CNTROB: variants seen among roughly 807,000 people sequenced by gnomAD.
The protein encoded by CNTROB is centrobin.
A neutral mutation model predicts 115.7 loss-of-function variants in CNTROB; 82 were observed. The observed-to-expected ratio is 0.71, with a 90% confidence interval of 0.59 to 0.85. The LOEUF is 0.85. Among genes scored for constraint, CNTROB ranks in the 40% least tolerant of loss-of-function variants. The pLI is 0.00. For synonymous variants in CNTROB, 439 were observed against 456.4 expected (o/e 0.96, Z 0.49); for missense variants, 1,014 against 1,144.4 (o/e 0.89, Z 1.64).
Position 7,941,453 on chromosome 17 carries a change from A to T in CNTROB, c.1311+1211A>T, listed in dbSNP as rs778536903. On this transcript the variant is annotated intron_variant, in intron 9 of 18. Coordinates refer to ENST00000563694, the MANE Select transcript of CNTROB (RefSeq NM_053051.5). ...TGTCTCTACTAAAAATACAAAAATT[A>T]TCCAGGTGTATGGTGCACACCTGTA... is the stretch of plus-strand genomic sequence containing the variant. Among the ~76,000 whole-genome samples the T allele has an allele frequency of 2.0e-5, 3 of 151,786 alleles. No homozygotes were observed. The East Asian group carries it at 5.8e-4, about 30-fold the overall frequency.
intron 12 of CNTROB, 170 bp from the exon 13 acceptor site, chr17:7,945,558 C>A: frequency 1.5e-6 from 1 of 679,702 alleles, no homozygotes; most frequent in South Asian, 2.0e-5. Flanking sequence ...CTCTATGTTG[C>A]CAAGCCTGGT....
At position 7,936,387 on chromosome 17, in the gene CNTROB, A is replaced by G. The variant is rs577507163; in HGVS notation, c.616A>G (p.Ser206Gly). The G allele has an allele frequency of 1.3e-6, 2 of 1,514,524 alleles. No homozygotes were observed. The highest frequency in any genetic ancestry group is 1.4e-5 in the African/African-American group (1 of 72,904). The allele number at this position is 1,514,524 out of a possible 1,614,324, so 93.8% of individuals were successfully genotyped here. ...CCAGCATTGTGAGCGCCATATTCAG[A>G]GCCTGCAGACCCGAGTGTTAGAGCT... is the stretch of plus-strand genomic sequence containing the variant. ...RRKHCERHIQ[S>G]LQTRVLELQQ... Residue 206 changes from serine to glycine, a missense_variant, in exon 5 of 19, where the codon AGC becomes GGC. Physicochemically the swap from Ser to Gly is moderately conservative, Grantham distance 56. Transcript: ENST00000563694.
upstream of CNTROB, chr17:7,932,166 GGC>G (rs1972587694): frequency 3.1e-6 from 1 of 324,504 alleles, no homozygotes; most frequent in African/African-American, 2.1e-5. Context: ...TGGTCTCGCG[GGC>G]GGGTGACGTC....
rs142749347 is a variant in CNTROB at position 7,944,230 on chromosome 17, C to A, written c.1553C>A (p.Ala518Asp). Residue 518 changes from alanine (A) to aspartate (D), a missense_variant, in exon 11 of 19, where the codon GCT becomes GAT. Transcript: ENST00000563694. The surrounding 1 kb of genome is among the most constrained non-coding windows in gnomAD (Gnocchi z 4.0). Reference sequence around the variant, plus strand: ...CGAGAGGAACGGCAACAGCAGGTGGCTGAGGACTACGAGCTCAGGTCCTGG... The same window carrying A: ...CGAGAGGAACGGCAACAGCAGGTGGATGAGGACTACGAGCTCAGGTCCTGG... Reference protein sequence around the residue: ...AEREERQQQVAEDYELRLARE... With the variant: ...AEREERQQQVDEDYELRLARE... 3 of 1,613,960 alleles carry A rather than the reference C, an allele frequency of 1.9e-6. No homozygotes were observed. The highest frequency in any genetic ancestry group is 2.5e-6 in the Non-Finnish European group (3 of 1,179,804).
intron 9 of CNTROB, among the ~76,000 whole-genome samples, chr17:7,941,331 G>A (rs764065975): frequency 2.6e-5 from 4 of 152,174 alleles, no homozygotes; most frequent in African/African-American, 9.7e-5. Context: ...CCGGTATGGT[G>A]GCTCATGCCT....
chr17:7,936,421 A>G lies in CNTROB; in HGVS notation c.650A>G (p.Gln217Arg). ...LQTRVLELQQQLAVAVAADRK... is the reference protein window; with the variant it reads ...LQTRVLELQQRLAVAVAADRK... ...ACCCGAGTGTTAGAGCTACAGCAAC[A>G]ATTAGCCGTGGCTGTGGCTGCCGAC... Residue 217 changes from glutamine (Q) to arginine (R), a missense_variant, in exon 5 of 19, where the codon CAA becomes CGA. By Grantham distance (43) the Gln-to-Arg change is conservative (BLOSUM62 1). Transcript: ENST00000563694. 1.3e-6 allele frequency: 2 copies of G among 1,576,784 alleles called. No individual in the cohort carries two copies. Among genetic ancestry groups the G allele is most frequent in the Non-Finnish European group, 1.7e-6 (2 of 1,145,984 alleles).
At chr17:7,942,369 G>A (rs532749493) in intron 9 of CNTROB, among the ~76,000 whole-genome samples, 26 of 152,128 alleles carry the variant, frequency 1.7e-4, no homozygotes, top group African/African-American at 2.9e-4. Flanking sequence ...AGACTGAGGC[G>A]GGTGGATCAC....
In CNTROB at chr17:7,944,685, T is replaced by G; in HGVS notation, c.1734+47T>G. On this transcript the variant is annotated intron_variant, in intron 12 of 18. Coordinates refer to ENST00000563694, the MANE Select transcript of CNTROB (RefSeq NM_053051.5). The surrounding 1 kb of genome is among the most constrained non-coding windows in gnomAD (Gnocchi z 4.0). ...AAGCTTCTCCGTTATGTTCTATTTT[T>G]ATTTTTATTTTTGAGACAGGGTCTC... The G allele has an allele frequency of 6.4e-7, 1 of 1,552,390 alleles. No individual in the cohort carries two copies. The highest frequency in any genetic ancestry group is 8.7e-7 in the Non-Finnish European group (1 of 1,147,842).
In CNTROB at chr17:7,933,482, A is replaced by C. The variant is rs1438115507; in HGVS notation, c.270+133A>C. 4 of 948,610 alleles carry C rather than the reference A, an allele frequency of 4.2e-6. No individual in the cohort carries two copies. In the African/African-American group the frequency reaches 5.0e-5, roughly 12 times the overall value. 58.8% of individuals were successfully genotyped at this position (948,610 alleles called of 1,614,324 possible). A position where few individuals can be genotyped will look rare whatever the true frequency, so the allele number is the denominator to read the frequency against. ...TGGATTTCATATTCCTTTTAACTGC[A>C]TAGGCAGCCATGCTTATAAGGGAGG... On this transcript the variant is annotated intron_variant, in intron 1 of 18. Coordinates refer to ENST00000563694, the MANE Select transcript of CNTROB (RefSeq NM_053051.5).
Position 7,944,207 on chromosome 17 carries a change from A to C in CNTROB, c.1530A>C (p.Arg510=). ...AGTTCAAGGTGGAAATGGCAGAACG[A>C]GAGGAACGGCAACAGCAGGTGGCTG... ...LAQFKVEMAE[R]EERQQQVAED... Residue 510 remains arginine (R), a synonymous_variant, in exon 11 of 19, where the codon CGA becomes CGC. Coordinates refer to ENST00000563694, the MANE Select transcript of CNTROB (RefSeq NM_053051.5). This position sits in a 1 kb window ranked among gnomAD's most constrained non-coding sequence, Gnocchi z 4.0. 1 of 1,613,816 alleles carries C rather than the reference A, an allele frequency of 6.2e-7. No homozygotes were observed. The highest frequency in any genetic ancestry group is 1.1e-5 in the South Asian group (1 of 91,074).
At position 7,936,871 on chromosome 17, in the gene CNTROB, G is replaced by C; in HGVS notation, c.828+54G>C. On this transcript the variant is annotated intron_variant, in intron 6 of 18. Transcript: ENST00000563694. ...AACCTGAGTCACAGATCTCAAGATG[G>C]AAAGGGGCAGAAATAGCTCTGGAAT... 3 of 838,266 alleles carry C rather than the reference G, an allele frequency of 3.6e-6. No homozygotes were observed. In the South Asian group the frequency reaches 4.0e-5, roughly 11 times the overall value. The allele number at this position is 838,266 out of a possible 1,614,324, so 51.9% of individuals were successfully genotyped here.
rs767326311 is a variant in CNTROB, at chr17:7,945,767, C to G, written c.1774C>G (p.Pro592Ala). 12 of 1,614,224 alleles carry G rather than the reference C, an allele frequency of 7.4e-6. No individual in the cohort carries two copies. In the South Asian group the frequency reaches 1.2e-4, roughly 16 times the overall value. Reference protein sequence around the residue: ...AGPSSPGPQEPEKEERRVWTM... With the variant: ...AGPSSPGPQEAEKEERRVWTM... Reference sequence around the variant, plus strand: ...ACCCTCCAGCCCCGGGCCTCAGGAGCCCGAGAAGGAGGAGAGGAGGGTCTG... The same window carrying G: ...ACCCTCCAGCCCCGGGCCTCAGGAGGCCGAGAAGGAGGAGAGGAGGGTCTG... The change falls in exon 13 of 19, where the codon CCC (proline) becomes GCC (alanine). Residue 592 changes from proline to alanine, a missense_variant. By Grantham distance (27) the Pro-to-Ala change is conservative. Coordinates refer to ENST00000563694, the MANE Select transcript of CNTROB (RefSeq NM_053051.5).
rs1054233543 is a variant in CNTROB, at chr17:7,939,215, C to T, written c.928-298C>T. On this transcript the variant is annotated intron_variant, in intron 7 of 18. Coordinates refer to ENST00000563694, the MANE Select transcript of CNTROB (RefSeq NM_053051.5). This position sits in a 1 kb window ranked among gnomAD's most constrained non-coding sequence, Gnocchi z 4.4. Reference sequence around the variant, plus strand: ...TAGAGCGATTCTCCTGCCTTTGCCTCCCAAGTAGCTGGAATTACAGGCACC... The same window carrying T: ...TAGAGCGATTCTCCTGCCTTTGCCTTCCAAGTAGCTGGAATTACAGGCACC... Among the ~76,000 whole-genome samples, 2 of 152,034 alleles carry T rather than the reference C, an allele frequency of 1.3e-5. No homozygotes were observed. The highest frequency in any genetic ancestry group is 4.8e-5 in the African/African-American group (2 of 41,372).
intron 5 of CNTROB, 33 bp from the exon 6 acceptor site, chr17:7,936,668 T>A (rs761221006): frequency 2.0e-6 from 2 of 997,660 alleles, no homozygotes; most frequent in East Asian, 4.7e-5. Context: ...AAAAAAGTTA[T>A]TTTGAAATTT....
Position 7,947,572 on chromosome 17 carries a change from T to G in CNTROB, c.1995T>G (p.Ala665=), listed in dbSNP as rs146898127. 6.2e-7 allele frequency: 1 copy of G among 1,601,956 alleles called. No homozygotes were observed. Among genetic ancestry groups the G allele is most frequent in the Non-Finnish European group, 8.5e-7 (1 of 1,171,576 alleles). ...EPKPDLTSST[A]GAFSALGAFH... is the part of the protein sequence containing the mutation. ...ACCCATACCTGTTTCACTTTATAGC[T>G]GGGGCCTTCTCTGCACTTGGGGCCT... is the stretch of plus-strand genomic sequence containing the variant. Residue 665 remains alanine, a splice_region_variant and synonymous_variant, in exon 14 of 19, where the codon GCT becomes GCG. Transcript: ENST00000563694.
At position 7,948,905 on chromosome 17, in the gene CNTROB, T is replaced by C; in HGVS notation, c.2514-180T>C. On this transcript the variant is annotated intron_variant, in intron 17 of 18. Coordinates refer to ENST00000563694, the MANE Select transcript of CNTROB (RefSeq NM_053051.5). The surrounding 1 kb of genome is among the most constrained non-coding windows in gnomAD (Gnocchi z 4.4). ...GCTCAAAACTCAGAATCCTAGACTT[T>C]TGACTAGCTAGTGTAACTCGTTATT... 2 of 1,473,144 alleles carry C rather than the reference T, an allele frequency of 1.4e-6. No individual in the cohort carries two copies. Among genetic ancestry groups the C allele is most frequent in the Non-Finnish European group, 1.8e-6 (2 of 1,111,372 alleles). 91.3% of individuals were successfully genotyped at this position (1,473,144 alleles called of 1,614,324 possible).
At position 7,949,595 on chromosome 17, in the gene CNTROB, A is replaced by C. The variant is rs954525951; in HGVS notation, c.*85A>C. The C allele has an allele frequency of 7.2e-7, 1 of 1,386,814 alleles. No individual in the cohort carries two copies. Among genetic ancestry groups the C allele is most frequent in the Non-Finnish European group, 9.5e-7 (1 of 1,051,804 alleles). The allele number at this position is 1,386,814 out of a possible 1,614,324, so 85.9% of individuals were successfully genotyped here. On this transcript the variant is annotated 3_prime_UTR_variant, in exon 19 of 19. Coordinates refer to ENST00000563694, the MANE Select transcript of CNTROB (RefSeq NM_053051.5). Reference sequence around the variant, plus strand: ...TAGTCTGTATCAGAGTCTCTGGCTCATAGGAATTTGGAAAATAGAGGTTTT... The same window carrying C: ...TAGTCTGTATCAGAGTCTCTGGCTCCTAGGAATTTGGAAAATAGAGGTTTT...
intron 14 of CNTROB, 73 bp downstream of exon 14, chr17:7,947,795 C>G: frequency 6.2e-7 from 1 of 1,603,384 alleles, no homozygotes; most frequent in South Asian, 1.1e-5. Flanking sequence ...CTCTGGGAAT[C>G]CAGGACTCTG....
chr17:7,934,588 G>A, intron 3 of CNTROB, 42 bp downstream of exon 3: 1 of 1,536,440 alleles, frequency 6.5e-7, no homozygotes, highest in Non-Finnish European at 9.0e-7. Flanking sequence ...TTGCTTTCTT[G>A]GAAATCCAGG....
Sources: gnomAD v4.1 joint callset for allele counts (sites outside exome capture counted in the v4.1 genomes callset) on GRCh38, gnomAD v4.1.1 for gene constraint, Gnocchi (gnomAD v3.1) non-coding constraint, MANE v1.5 for transcripts, NCBI Gene and HGNC (gene_info 2026-07-23, HGNC 2026-07-21) for gene names.